The following MRTFB variants were observed in gnomAD, a reference collection of about 807,000 sequenced individuals.
MRTFB encodes the protein myocardin-related transcription factor B.
Under a neutral mutation model 104.2 loss-of-function variants are expected in MRTFB, and 29 were observed. The observed-to-expected ratio is 0.28, with a 90% confidence interval of 0.21 to 0.38. MRTFB has a LOEUF of 0.38. MRTFB is among the 10% of genes least tolerant of loss of function. The probability of loss-of-function intolerance (pLI) is 1.00; values close to 1 mark genes in which losing one functional copy is unlikely to be tolerated. For synonymous variants in MRTFB, 535 were observed against 519.5 expected, an observed-to-expected ratio of 1.03 and a Z score of -0.41; for missense variants, 1,270 against 1,341.6, an observed-to-expected ratio of 0.95 and a Z score of 0.83.
At chr16:14,205,957 C>G (rs1295189698) in intron 3 of MRTFB, among the ~76,000 whole-genome samples, 1 of 152,226 alleles carries the variant, frequency 6.6e-6, no homozygotes, top group East Asian at 1.9e-4. Flanking sequence ...AGGCCAGTGT[C>G]TAGTCTTTGG....
the MRTFB span, among the ~76,000 whole-genome samples, chr16:14,056,404 A>G: frequency 6.6e-6 from 1 of 151,252 alleles, no homozygotes; most frequent in African/African-American, 2.4e-5. Context: ...TATTTATTCT[A>G]TGACTTATAA....
chr16:14,069,169 C>G (rs1197578747), upstream of MRTFB, among the ~76,000 whole-genome samples: 6 of 152,048 alleles, frequency 3.9e-5, no homozygotes, highest in Non-Finnish European at 8.8e-5. Context: ...CGGGGTTTCA[C>G]CATGTTGGCC....
chr16:14,248,749 C>G, intron 12 of MRTFB, 177 bp from the exon 13 acceptor site: 1 of 594,098 alleles, frequency 1.7e-6, no homozygotes, highest in Non-Finnish European at 2.9e-6. Flanking sequence ...ATGTTTCCCT[C>G]TCTGGTTTAG....
chr16:14,049,519 A>G, the MRTFB span, among the ~76,000 whole-genome samples: 1 of 152,246 alleles, frequency 6.6e-6, no homozygotes, highest in Admixed American at 6.5e-5. Flanking sequence ...ATGTGAGTGA[A>G]GAAAAATGAC....
intron 3 of MRTFB, chr16:14,143,458 A>G (rs1045014070): frequency 6.6e-6 from 1 of 152,000 alleles, no homozygotes; most frequent in African/African-American, 2.4e-5. Flanking sequence ...TTTAGACACA[A>G]ATAATCTTCC....
chr16:14,247,420 G>A lies in MRTFB; in HGVS notation c.2160G>A (p.Thr720=), dbSNP rs564835700. 4.2e-5 allele frequency: 68 copies of A among 1,611,094 alleles called. No individual in the cohort carries two copies. Among genetic ancestry groups the A allele is most frequent in the Non-Finnish European group, 4.9e-5 (58 of 1,179,900 alleles). ...CTCAGCCCCAGGCTTTACTGACCAC[G>A]CAGACTGCTCAGCTGCTGCTCCCAG... ...VVAQPQALLT[T]QTAQLLLPVS... is the part of the protein sequence containing the mutation. Residue 720 remains threonine (T), a synonymous_variant, in exon 12 of 17, where the codon ACG becomes ACA. Transcript: ENST00000571589.
chr16:14,025,651 G>C, the MRTFB span, among the ~76,000 whole-genome samples: 1 of 151,840 alleles, frequency 6.6e-6, no homozygotes, highest in Non-Finnish European at 1.5e-5. Flanking sequence ...AGAAGCTCAG[G>C]TTTCCTAGAA....
intron 8 of MRTFB, among the ~76,000 whole-genome samples, chr16:14,229,591 C>T (rs1040436931): frequency 2.0e-5 from 3 of 152,190 alleles, no homozygotes; most frequent in African/African-American, 7.2e-5. Context: ...GTACCATATT[C>T]TGCAGCAGGA....
the MRTFB span, among the ~76,000 whole-genome samples, chr16:14,053,351 A>G: frequency 3.9e-5 from 6 of 152,142 alleles, no homozygotes; most frequent in Non-Finnish European, 7.4e-5. Flanking sequence ...TGGAATCCAT[A>G]TCTTGGCTAT....
At chr16:14,142,665 T>C (rs891402996) in intron 3 of MRTFB, 1 of 152,228 alleles carries the variant, frequency 6.6e-6, no homozygotes, top group African/African-American at 2.4e-5. Flanking sequence ...CTTGGACCAG[T>C]ATAATGTCCA....
At chr16:14,242,924 T>G (rs931350613) in intron 10 of MRTFB, among the ~76,000 whole-genome samples, 1 of 151,574 alleles carries the variant, frequency 6.6e-6, no homozygotes, top group African/African-American at 2.4e-5. Context: ...GTAATACCAC[T>G]CACAAGGAAG....
chr16:14,243,213 A>G (rs187703232), intron 10 of MRTFB, among the ~76,000 whole-genome samples: 30 of 152,382 alleles, frequency 2.0e-4, no homozygotes, highest in Non-Finnish European at 3.8e-4. Context: ...TCATCCAATG[A>G]TAAGAAACTT....
chr16:14,219,038 G>A (rs2041563104), intron 8 of MRTFB, 40 bp downstream of exon 8: 5 of 1,527,062 alleles, frequency 3.3e-6, no homozygotes, highest in Non-Finnish European at 4.4e-6. Flanking sequence ...GAAAGAAAAT[G>A]CCTTGTTTTT....
the MRTFB span, among the ~76,000 whole-genome samples, chr16:14,029,585 C>T: frequency 2.0e-5 from 3 of 151,652 alleles, no homozygotes; most frequent in African/African-American, 4.8e-5. Context: ...ATTAGAATCA[C>T]GCCAGGTACC....
chr16:14,023,614 CATATACAT>C, the MRTFB span, among the ~76,000 whole-genome samples: 3 of 56,510 alleles, frequency 5.3e-5, no homozygotes, highest in East Asian at 3.6e-4. Context: ...CACACACATA[CATATACAT>C]ATACATATAC....
intron 3 of MRTFB, among the ~76,000 whole-genome samples, chr16:14,155,660 C>T (rs775708976): frequency 2.6e-5 from 4 of 152,154 alleles, no homozygotes; most frequent in African/African-American, 7.2e-5. Context: ...GGGTAGCATT[C>T]GTGCCAGGGA....
chr16:14,130,820 A>T (rs1373829145), intron 2 of MRTFB, among the ~76,000 whole-genome samples: 1 of 152,142 alleles, frequency 6.6e-6, no homozygotes, highest in Non-Finnish European at 1.5e-5. Flanking sequence ...GAGCAAACAC[A>T]TCCTTCTTCA....
At chr16:14,004,930 G>A in the MRTFB span, among the ~76,000 whole-genome samples, 1 of 152,216 alleles carries the variant, frequency 6.6e-6, no homozygotes, top group Admixed American at 6.5e-5. Context: ...CTGAGGCCCG[G>A]TTCTCCCCCA....
intron 3 of MRTFB, among the ~76,000 whole-genome samples, 185 bp from the exon 4 acceptor site, chr16:14,210,058 C>G (rs2041127379): frequency 6.6e-6 from 1 of 152,194 alleles, no homozygotes; most frequent in South Asian, 2.1e-4. Flanking sequence ...TTAGTGTTCA[C>G]TAAACAGGCA....
Sources: allele counts gnomAD v4.1 joint callset (sites outside exome capture counted in the v4.1 genomes callset), GRCh38; gene constraint gnomAD v4.1.1; transcripts MANE v1.5; gene names NCBI Gene and HGNC (gene_info 2026-07-23, HGNC 2026-07-21).